STRBP: variants seen among roughly 807,000 people sequenced by gnomAD.
STRBP encodes spermatid perinuclear RNA-binding protein.
STRBP carries 13 observed loss-of-function variants against 80.1 expected under a neutral mutation model. That is an observed-to-expected ratio of 0.16 (90% CI 0.11 to 0.26). The LOEUF is 0.26. Among genes scored for constraint, STRBP ranks in the 10% least tolerant of loss-of-function variants. The pLI, the probability that STRBP is intolerant of heterozygous loss-of-function variation, is 1.00. For synonymous variants in STRBP, 284 were observed against 291.2 expected, an observed-to-expected ratio of 0.98 and a Z score of 0.25; for missense variants, 485 against 815.2, an observed-to-expected ratio of 0.59 and a Z score of 4.93.
At chr9:123,223,064 T>C (rs1204485341) in intron 2 of STRBP, among the ~76,000 whole-genome samples, 2 of 149,264 alleles carry the variant, frequency 1.3e-5, no homozygotes, top group South Asian at 2.1e-4. Flanking sequence ...GATAGATAGA[T>C]AGATAGATAG....
At chr9:123,203,728 T>C (rs987598237) in intron 2 of STRBP, among the ~76,000 whole-genome samples, 4 of 152,082 alleles carry the variant, frequency 2.6e-5, no homozygotes, top group South Asian at 2.1e-4. Context: ...TCCCAGCACT[T>C]TGGGAGGCTG....
intron 6 of STRBP, among the ~76,000 whole-genome samples, chr9:123,167,747 T>G (rs933476571): frequency 6.6e-6 from 1 of 152,158 alleles, no homozygotes; most frequent in Non-Finnish European, 1.5e-5. Flanking sequence ...ATTCAGCTCA[T>G]AGAGGTCTTT....
intron 3 of STRBP, among the ~76,000 whole-genome samples, chr9:123,182,382 A>G (rs1390924920): frequency 6.6e-6 from 1 of 152,148 alleles, no homozygotes; most frequent in Non-Finnish European, 1.5e-5. Flanking sequence ...AAATTTATAC[A>G]CCAGAAAATC....
intron 3 of STRBP, among the ~76,000 whole-genome samples, chr9:123,182,217 T>TAAAAAAAAAAAAAAAAAAAAAAAAA (rs10546358): frequency 2.9e-5 from 2 of 69,766 alleles, no homozygotes; most frequent in Non-Finnish European, 7.1e-5. Context: ...TCCGTTTCTT[T>TAAAAAAAAAAAAAAAAAAAAAAAAA]AAAAAAAAAA....
intron 2 of STRBP, among the ~76,000 whole-genome samples, chr9:123,205,018 C>T (rs930348064): frequency 9.2e-5 from 14 of 151,574 alleles, no homozygotes; most frequent in Non-Finnish European, 1.9e-4. Context: ...GTAATCCCAG[C>T]ACTTTGGGAG....
intron 4 of STRBP, among the ~76,000 whole-genome samples, chr9:123,174,534 GA>G (rs2038137555): frequency 6.6e-6 from 1 of 152,206 alleles, no homozygotes; most frequent in Non-Finnish European, 1.5e-5. Context: ...CATCAGCACA[GA>G]AATCTAAAAG....
At chr9:123,173,940 G>A (rs997530004) in intron 4 of STRBP, 98 bp from the exon 5 acceptor site, 1 of 1,296,918 alleles carries the variant, frequency 7.7e-7, no homozygotes, top group Admixed American at 2.5e-5. Context: ...AAACTGATAA[G>A]GGAGTATGTA....
intron 2 of STRBP, among the ~76,000 whole-genome samples, chr9:123,191,155 C>G (rs1345996297): frequency 6.6e-6 from 1 of 152,068 alleles, no homozygotes; most frequent in Non-Finnish European, 1.5e-5. Context: ...AGAGAGGAAG[C>G]AAGTTGAGGA....
chr9:123,136,294 T>C lies in STRBP; in HGVS notation c.1632+87A>G. The C allele has an allele frequency of 6.3e-7, 1 of 1,596,294 alleles. No homozygotes were observed. Among genetic ancestry groups the C allele is most frequent in the Non-Finnish European group, 8.5e-7 (1 of 1,171,742 alleles). ...AAAAATCAAATAGTGCCACAAGAACTGACTCAGTCTAAAACTTTACATTAA... is the reference window on the plus strand; with the variant it reads ...AAAAATCAAATAGTGCCACAAGAACCGACTCAGTCTAAAACTTTACATTAA... On this transcript the variant is annotated intron_variant, in intron 15 of 18. Coordinates refer to ENST00000348403, the MANE Select transcript of STRBP (RefSeq NM_018387.5). The surrounding 1 kb of genome is among the most constrained non-coding windows in gnomAD (Gnocchi z 4.2).
intron 11 of STRBP, among the ~76,000 whole-genome samples, chr9:123,153,176 C>T (rs1031585206): frequency 3.3e-5 from 5 of 149,852 alleles, no homozygotes; most frequent in African/African-American, 1.3e-4. Context: ...AGCGAAGAAG[C>T]TAAATTCTAG....
intron 2 of STRBP, among the ~76,000 whole-genome samples, chr9:123,216,993 C>A (rs115553070): frequency 1.3e-3 from 194 of 152,250 alleles, no homozygotes; most frequent in African/African-American, 4.2e-3. Context: ...ATTTTAAGTG[C>A]CCTCAAGTAA....
intron 1 of STRBP, among the ~76,000 whole-genome samples, chr9:123,248,915 T>C (rs1023461553): frequency 6.6e-6 from 1 of 152,236 alleles, no homozygotes; most frequent in Non-Finnish European, 1.5e-5. Flanking sequence ...AATTCATATC[T>C]TTAGCAGTAC....
chr9:123,197,311 A>T (rs2039128739), intron 2 of STRBP, among the ~76,000 whole-genome samples: 1 of 152,210 alleles, frequency 6.6e-6, no homozygotes, highest in Admixed American at 6.5e-5. Context: ...AAAACAATCT[A>T]GTATTTGATA....
intron 2 of STRBP, among the ~76,000 whole-genome samples, chr9:123,208,784 C>G (rs906757567): frequency 2.6e-5 from 4 of 152,308 alleles, no homozygotes; most frequent in Admixed American, 2.0e-4. Flanking sequence ...GTGGCAGCCA[C>G]CTGATAAACC....
At chr9:123,202,911 C>T (rs758532010) in intron 2 of STRBP, among the ~76,000 whole-genome samples, 2 of 152,154 alleles carry the variant, frequency 1.3e-5, no homozygotes, top group Admixed American at 6.5e-5. Context: ...CTTTTAACCA[C>T]GTCCACCATA....
At chr9:123,135,810 C>CATATAA (rs1051539740) in intron 16 of STRBP, 12 of 381,374 alleles carry the variant, frequency 3.1e-5, no homozygotes, top group African/African-American at 2.2e-4. Flanking sequence ...CTCATATATA[C>CATATAA]ATATAAATAT....
chr9:123,118,337 C>T (rs1311007344), downstream of STRBP, among the ~76,000 whole-genome samples: 2 of 152,176 alleles, frequency 1.3e-5, no homozygotes, highest in African/African-American at 4.8e-5. Context: ...CTGTTCACCT[C>T]ATTACTTGGG....
chr9:123,213,566 TTTAG>T (rs777175020), intron 2 of STRBP: 1 of 152,028 alleles, frequency 6.6e-6, no homozygotes, highest in African/African-American at 2.4e-5. Flanking sequence ...GAAACAATAG[TTTAG>T]AGGAATGAAG....
At chr9:123,266,761 A>G (rs1212067756) in intron 1 of STRBP, among the ~76,000 whole-genome samples, 2 of 151,938 alleles carry the variant, frequency 1.3e-5, no homozygotes, top group Non-Finnish European at 2.9e-5. Flanking sequence ...AGTTACAGAC[A>G]TGTCCACATA....
Sources: gnomAD v4.1 joint callset for allele counts (sites outside exome capture counted in the v4.1 genomes callset) on GRCh38, gnomAD v4.1.1 for gene constraint, Gnocchi (gnomAD v3.1) non-coding constraint, MANE v1.5 for transcripts, NCBI Gene and HGNC (gene_info 2026-07-23, HGNC 2026-07-21) for gene names.